Variants in MDGA2 observed in about 807,000 individuals in gnomAD.
The protein encoded by MDGA2 is MAM domain containing glycosylphosphatidylinositol anchor 2.
A neutral mutation model predicts 117.8 loss-of-function variants in MDGA2; 40 were observed. The ratio of observed to expected loss-of-function variants is 0.34; its 90% CI spans 0.26 to 0.44. The LOEUF is 0.44. MDGA2 is among the 20% of genes least tolerant of loss of function. MDGA2 has a pLI of 1.00. For missense variants in MDGA2, 1,123 were observed against 1,250.6 expected, an observed-to-expected ratio of 0.90 and a Z score of 1.54; for synonymous variants, 452 against 439.0, an observed-to-expected ratio of 1.03 and a Z score of -0.37.
At chr14:47,138,392 G>C (rs1229773248) in intron 4 of MDGA2, among the ~76,000 whole-genome samples, 1 of 151,966 alleles carries the variant, frequency 6.6e-6, no homozygotes. Flanking sequence ...CTTGTAATTA[G>C]ATGGTATAAT....
chr14:47,361,980 A>G (rs1594817162), intron 1 of MDGA2, among the ~76,000 whole-genome samples: 2 of 152,276 alleles, frequency 1.3e-5, no homozygotes, highest in Non-Finnish European at 2.9e-5. Context: ...TGGAAATGAT[A>G]GTGGGTTTTG....
intron 4 of MDGA2, among the ~76,000 whole-genome samples, chr14:47,143,823 T>C (rs1882824114): frequency 6.6e-6 from 1 of 152,078 alleles, no homozygotes; most frequent in South Asian, 2.1e-4. Flanking sequence ...ATAGGAAAAC[T>C]TATAGATTAA....
At chr14:47,226,634 C>G (rs1462420770) in intron 2 of MDGA2, among the ~76,000 whole-genome samples, 1 of 152,052 alleles carries the variant, frequency 6.6e-6, no homozygotes, top group East Asian at 1.9e-4. Flanking sequence ...GAGGGTACAT[C>G]TTGGTGCAAA....
intron 2 of MDGA2, among the ~76,000 whole-genome samples, chr14:47,235,791 A>T (rs1263758560): frequency 6.6e-6 from 1 of 152,130 alleles, no homozygotes; most frequent in Non-Finnish European, 1.5e-5. Flanking sequence ...TATCTGTCTT[A>T]TCCCTTCCTG....
At chr14:47,290,408 C>A (rs1157881125) in intron 2 of MDGA2, among the ~76,000 whole-genome samples, 3 of 152,030 alleles carry the variant, frequency 2.0e-5, no homozygotes, top group Admixed American at 6.6e-5. Flanking sequence ...GATTTCTCAG[C>A]CCCCAGGACT....
At chr14:47,297,493 T>TGAAGG (rs3039470) in intron 2 of MDGA2, among the ~76,000 whole-genome samples, 60,932 of 64,620 alleles carry the variant, frequency 0.94, 28,764 homozygotes, top group South Asian at 0.98. Context: ...TGGAGGGGTG[T>TGAAGG]GAAGGGAAGG....
intron 1 of MDGA2, chr14:47,444,179 TGAGGTTGTCAATACAACTAAACTGACTG>T: frequency 4.5e-6 from 1 of 221,106 alleles, no homozygotes; most frequent in Non-Finnish European, 9.5e-6. Context: ...TGATGCCAGC[TGAGGTTGTCAATACAACTAAACTGACTG>T]GAGAAGAGCA....
chr14:47,144,422 A>T (rs1882852615), intron 3 of MDGA2, 148 bp from the exon 4 acceptor site: 1 of 553,420 alleles, frequency 1.8e-6, no homozygotes, highest in Non-Finnish European at 3.1e-6. Context: ...CAGCTTATTG[A>T]ATTCATTTAC....
rs3039661 is a variant in MDGA2, at chr14:47,549,343, A to ATCTCTCTC, written c.280+125166_280+125173dup. Among the ~76,000 whole-genome samples the ATCTCTCTC allele has an allele frequency of 1.7e-3, 243 of 140,210 alleles. 2 individuals carry two copies. Among genetic ancestry groups the ATCTCTCTC allele is most frequent in the African/African-American group, 3.6e-3 (132 of 37,178 alleles). The allele number at this position is 140,210 out of a possible 152,430, so 92.0% of individuals were successfully genotyped here. ...CATGTTGATAGGTTTCACCAGTATT[A>ATCTCTCTC]TCTCTCTCTCTCTCTCTCTCTCTCT... On this transcript the variant is annotated intron_variant, in intron 1 of 16. Transcript: ENST00000399232.
intron 1 of MDGA2, among the ~76,000 whole-genome samples, chr14:47,364,941 A>G (rs1891199933): frequency 6.6e-6 from 1 of 152,240 alleles, no homozygotes; most frequent in South Asian, 2.1e-4. Context: ...TCATGGTCTC[A>G]TCTAAATTTG....
At position 47,168,192 on chromosome 14, in the gene MDGA2, A is replaced by G. The variant is rs924550514; in HGVS notation, c.596-23918T>C. 2.1e-5 allele frequency among the ~76,000 whole-genome samples: 3 copies of G among 144,412 alleles called. No homozygotes were observed. In the Admixed American group the frequency reaches 2.2e-4, roughly 11 times the overall value. 94.7% of individuals were successfully genotyped at this position (144,412 alleles called of 152,430 possible). A position where few individuals can be genotyped will look rare whatever the true frequency, so the allele number is the denominator to read the frequency against. On this transcript the variant is annotated intron_variant, in intron 3 of 16. Coordinates refer to ENST00000399232, the MANE Select transcript of MDGA2 (RefSeq NM_001113498.3). ...TTCCTCTTATGGAGTTTCTGAGAAT[A>G]TTTTTTAAAAAGAAAAAAAGAGCCT...
At chr14:46,849,153 T>C (rs1880961852) in intron 15 of MDGA2, among the ~76,000 whole-genome samples, 1 of 152,012 alleles carries the variant, frequency 6.6e-6, no homozygotes, top group Non-Finnish European at 1.5e-5. Flanking sequence ...AGTACAGTCA[T>C]AATTTGTATT....
In MDGA2 at chr14:47,045,689, G is replaced by A. The variant is rs1889233462; in HGVS notation, c.1526-10385C>T. Among the ~76,000 whole-genome samples the A allele has an allele frequency of 2.0e-5, 3 of 152,240 alleles. No individual in the cohort carries two copies. In the South Asian group the frequency reaches 6.2e-4, roughly 32 times the overall value. ...TGCTATAACAAGAAAGGGGGGGCAG[G>A]CGCAGTGATTCACGCCTGTAATTCC... is the stretch of plus-strand genomic sequence containing the variant. On this transcript the variant is annotated intron_variant, in intron 7 of 16. Coordinates refer to ENST00000399232, the MANE Select transcript of MDGA2 (RefSeq NM_001113498.3).
chr14:47,585,792 ACATTT>A (rs1896314022), intron 1 of MDGA2, among the ~76,000 whole-genome samples: 1 of 151,888 alleles, frequency 6.6e-6, no homozygotes, highest in Non-Finnish European at 1.5e-5. Context: ...ATTCCTATGT[ACATTT>A]TTTCCAATTG....
intron 9 of MDGA2, among the ~76,000 whole-genome samples, chr14:46,923,184 A>T (rs1884198577): frequency 6.6e-6 from 1 of 152,184 alleles, no homozygotes; most frequent in Admixed American, 6.5e-5. Context: ...AAAATATTGC[A>T]AATATATCAA....
At chr14:47,254,042 C>G (rs1443985442) in intron 2 of MDGA2, among the ~76,000 whole-genome samples, 1 of 152,178 alleles carries the variant, frequency 6.6e-6, no homozygotes, top group African/African-American at 2.4e-5. Flanking sequence ...AGCTGGGATG[C>G]AGGGCACCAT....
At chr14:47,164,644 C>A (rs1280957151) in intron 3 of MDGA2, among the ~76,000 whole-genome samples, 1 of 152,162 alleles carries the variant, frequency 6.6e-6, no homozygotes, top group Non-Finnish European at 1.5e-5. Flanking sequence ...CACTTTTACA[C>A]TGTTGGTAGG....
At chr14:47,623,255 T>A (rs1324297543) in intron 1 of MDGA2, among the ~76,000 whole-genome samples, 1 of 152,184 alleles carries the variant, frequency 6.6e-6, no homozygotes, top group East Asian at 1.9e-4. Context: ...TGCCAGCACC[T>A]TGATATTGGA....
chr14:47,477,865 A>G (rs1311066523), intron 1 of MDGA2, among the ~76,000 whole-genome samples: 2 of 152,204 alleles, frequency 1.3e-5, no homozygotes, highest in African/African-American at 4.8e-5. Flanking sequence ...ATCATCAAGC[A>G]AACCTCTTTC....
Sources: allele counts gnomAD v4.1 joint callset (sites outside exome capture counted in the v4.1 genomes callset), GRCh38; gene constraint gnomAD v4.1.1; transcripts MANE v1.5; gene names NCBI Gene and HGNC (gene_info 2026-07-23, HGNC 2026-07-21).